Variants in KIZ observed in about 807,000 individuals in gnomAD.
KIZ encodes kizuna centrosomal protein.
Under a neutral mutation model 79.6 loss-of-function variants are expected in KIZ, and 68 were observed. That is an observed-to-expected ratio of 0.85 (90% confidence interval 0.70 to 1.05). KIZ has a LOEUF of 1.05. Among genes scored for constraint, KIZ ranks in the 50% least tolerant of loss-of-function variants. The pLI is 0.00. For synonymous variants in KIZ, 280 were observed against 281.8 expected, an observed-to-expected ratio of 0.99 and a Z score of 0.06; for missense variants, 797 against 800.4, an observed-to-expected ratio of 1.00 and a Z score of 0.05.
chr20:21,245,314 G>T (rs2037352390), intron 12 of KIZ: 1 of 152,118 alleles, frequency 6.6e-6, no homozygotes, highest in South Asian at 2.1e-4. Flanking sequence ...TACCTACTGT[G>T]GGGGAGACAA....
At chr20:21,159,979 A>T (rs1409567688) in intron 4 of KIZ, among the ~76,000 whole-genome samples, 5 of 152,188 alleles carry the variant, frequency 3.3e-5, no homozygotes, top group Non-Finnish European at 2.9e-5. Flanking sequence ...TCAGCAGTGT[A>T]TGATTCTAAT....
At chr20:21,131,468 TTCTC>T (rs1398850382) in intron 1 of KIZ, among the ~76,000 whole-genome samples, 5 of 152,198 alleles carry the variant, frequency 3.3e-5, no homozygotes, top group African/African-American at 1.2e-4. Flanking sequence ...TCAGAGGTCT[TTCTC>T]TATCTCATCC....
At chr20:21,205,435 G>A in intron 6 of KIZ, 56 bp from the exon 7 acceptor site, 1 of 718,656 alleles carries the variant, frequency 1.4e-6, no homozygotes, top group South Asian at 1.8e-5. Flanking sequence ...CTTTAAAAAT[G>A]TGGGAATCTT....
intron 10 of KIZ, among the ~76,000 whole-genome samples, chr20:21,231,228 G>C (rs1364615558): frequency 2.0e-5 from 3 of 152,138 alleles, no homozygotes; most frequent in Non-Finnish European, 4.4e-5. Flanking sequence ...GGAGGCTGAG[G>C]CAGGAGAATG....
chr20:21,126,525 C>G (rs893681534), intron 1 of KIZ, among the ~76,000 whole-genome samples: 1 of 152,174 alleles, frequency 6.6e-6, no homozygotes, highest in Non-Finnish European at 1.5e-5. Context: ...CTGTCACTCT[C>G]CATCAAGCCT....
At position 21,190,091 on chromosome 20, in the gene KIZ, G is replaced by A. The variant is rs1443081544; in HGVS notation, c.1353-15400G>A. Among the ~76,000 whole-genome samples, 3 of 152,222 alleles carry A rather than the reference G, an allele frequency of 2.0e-5. No homozygotes were observed. In the East Asian group the frequency reaches 5.8e-4, roughly 29 times the overall value. On this transcript the variant is annotated intron_variant, in intron 6 of 12. Coordinates refer to ENST00000619189, the MANE Select transcript of KIZ (RefSeq NM_018474.6). The stretch of plus-strand genomic sequence containing the variant: ...AAACTTCACTGTGGCCTCACATACA[G>A]CTGTTCCAGCCATCGGGTGTCAGGC...
At chr20:21,149,088 C>T (rs773821473) in intron 4 of KIZ, among the ~76,000 whole-genome samples, 1 of 152,208 alleles carries the variant, frequency 6.6e-6, no homozygotes, top group Non-Finnish European at 1.5e-5. Flanking sequence ...TTGTTGTCCC[C>T]ATTTTATAGT....
intron 11 of KIZ, among the ~76,000 whole-genome samples, chr20:21,242,199 C>T (rs1038403851): frequency 6.6e-6 from 1 of 152,140 alleles, no homozygotes; most frequent in Non-Finnish European, 1.5e-5. Flanking sequence ...GAAACAGCAA[C>T]TTGACGAGGA....
chr20:21,148,594 T>C (rs1277610008), intron 4 of KIZ: 1 of 152,168 alleles, frequency 6.6e-6, no homozygotes, highest in Non-Finnish European at 1.5e-5. Context: ...ATATTGTTAT[T>C]TTTTATTTTG....
chr20:21,184,381 C>T (rs1164912775), intron 6 of KIZ, among the ~76,000 whole-genome samples: 2 of 152,148 alleles, frequency 1.3e-5, no homozygotes, highest in African/African-American at 4.8e-5. Context: ...GAACTCCTGA[C>T]CTCAGGCGAT....
intron 9 of KIZ, among the ~76,000 whole-genome samples, chr20:21,227,256 C>T (rs922609409): frequency 7.2e-5 from 11 of 152,106 alleles, no homozygotes; most frequent in African/African-American, 2.7e-4. Context: ...GCCAGTGACA[C>T]GTTTTCCTGG....
At chr20:21,187,455 C>T (rs2122988229) in intron 6 of KIZ, among the ~76,000 whole-genome samples, 1 of 152,330 alleles carries the variant, frequency 6.6e-6, no homozygotes, top group Non-Finnish European at 1.5e-5. Flanking sequence ...TGGAGACTCA[C>T]TTATCCTAGA....
intron 6 of KIZ, among the ~76,000 whole-genome samples, chr20:21,185,165 T>C (rs544650348): frequency 6.6e-6 from 1 of 152,328 alleles, no homozygotes; most frequent in African/African-American, 2.4e-5. Context: ...AGCTTTAGAA[T>C]ATTACCTTAA....
intron 11 of KIZ, 42 bp downstream of exon 11, chr20:21,232,872 A>C: frequency 1.2e-6 from 1 of 830,324 alleles, no homozygotes; most frequent in Non-Finnish European, 2.1e-6. Flanking sequence ...CAACAAGATG[A>C]GAAATGTCAC....
At chr20:21,162,565 A>T in intron 5 of KIZ, 58 bp downstream of exon 5, 1 of 1,310,492 alleles carries the variant, frequency 7.6e-7, no homozygotes. Flanking sequence ...GATCTTATGT[A>T]AGGACAAAAT....
intron 7 of KIZ, among the ~76,000 whole-genome samples, chr20:21,206,945 G>A (rs1052343665): frequency 6.6e-6 from 1 of 152,148 alleles, no homozygotes; most frequent in Non-Finnish European, 1.5e-5. Flanking sequence ...CATGTCCATT[G>A]GCATATTCCT....
At chr20:21,185,984 C>T (rs2034863216) in intron 6 of KIZ, among the ~76,000 whole-genome samples, 1 of 151,960 alleles carries the variant, frequency 6.6e-6, no homozygotes, top group Non-Finnish European at 1.5e-5. Context: ...AGTTTGCCTA[C>T]TAGAAGATAA....
chr20:21,197,138 C>A (rs1436624521), intron 6 of KIZ: 8 of 152,288 alleles, frequency 5.3e-5, no homozygotes, highest in African/African-American at 1.7e-4. Flanking sequence ...TAGAATCATG[C>A]ATCCCTCAAA....
intron 6 of KIZ, among the ~76,000 whole-genome samples, chr20:21,185,534 C>T (rs1377526359): frequency 7.9e-5 from 12 of 150,996 alleles, no homozygotes; most frequent in Admixed American, 6.6e-4. Flanking sequence ...CTCAGCCTCC[C>T]GAGTAGCTGG....
Sources: gnomAD v4.1 joint callset for allele counts (sites outside exome capture counted in the v4.1 genomes callset) on GRCh38, gnomAD v4.1.1 for gene constraint, MANE v1.5 for transcripts, NCBI Gene and HGNC (gene_info 2026-07-23, HGNC 2026-07-21) for gene names.